Variants in FMNL2 observed in about 807,000 individuals in gnomAD.
FMNL2 encodes the protein formin like 2.
In FMNL2, 51 loss-of-function variants were observed where a neutral mutation model predicts 130.2. The observed-to-expected ratio is 0.39, with a 90% confidence interval of 0.31 to 0.49. The LOEUF is 0.49. Among genes scored for constraint, FMNL2 ranks in the 20% least tolerant of loss-of-function variants. The probability of loss-of-function intolerance (pLI) is 0.85; values close to 1 mark genes in which losing one functional copy is unlikely to be tolerated. For missense variants in FMNL2, 977 were observed against 1,316.2 expected, an observed-to-expected ratio of 0.74 and a Z score of 3.99; for synonymous variants, 465 against 467.1, an observed-to-expected ratio of 1.00 and a Z score of 0.06.
chr2:152,621,255 A>G (rs771336902), intron 15 of FMNL2, among the ~76,000 whole-genome samples: 6 of 152,178 alleles, frequency 3.9e-5, no homozygotes, highest in Non-Finnish European at 8.8e-5. Context: ...TGTGTGATTT[A>G]GCACCCACTT....
intron 1 of FMNL2, among the ~76,000 whole-genome samples, chr2:152,382,341 C>T (rs1229606810): frequency 2.6e-5 from 4 of 152,122 alleles, no homozygotes; most frequent in African/African-American, 4.8e-5. Flanking sequence ...TTAAGGAAAG[C>T]GCATGTGTCT....
intron 1 of FMNL2, among the ~76,000 whole-genome samples, chr2:152,470,508 A>G (rs1019358887): frequency 2.0e-5 from 3 of 152,250 alleles, no homozygotes; most frequent in African/African-American, 4.8e-5. Flanking sequence ...AAGCTCATCT[A>G]TAGAAAGATA....
At chr2:152,356,951 T>TTTA (rs1682834540) in intron 1 of FMNL2, among the ~76,000 whole-genome samples, 3 of 135,576 alleles carry the variant, frequency 2.2e-5, no homozygotes, top group South Asian at 2.3e-4. Context: ...TATTAAGTAA[T>TTTA]ATATATAACG....
rs1354634912 is a variant in FMNL2 at position 152,648,107 on chromosome 2, CAGATT to C, written c.*204_*208del. On this transcript the variant is annotated 3_prime_UTR_variant, in exon 26 of 26. Coordinates refer to ENST00000288670, the MANE Select transcript of FMNL2 (RefSeq NM_052905.4). ...GTGCCTAAAAATGGAAGTACCTGTT[CAGATT>C]AATCAAAGCAATAGGATTTGATTTG... 3 of 532,640 alleles carry C rather than the reference CAGATT, an allele frequency of 5.6e-6. No individual in the cohort carries two copies. Among genetic ancestry groups the C allele is most frequent in the Non-Finnish European group, 9.9e-6 (3 of 303,488 alleles). The allele number at this position is 532,640 out of a possible 1,614,324, so 33.0% of individuals were successfully genotyped here.
chr2:152,445,469 T>C (rs1221813327), intron 1 of FMNL2, among the ~76,000 whole-genome samples: 3 of 152,232 alleles, frequency 2.0e-5, no homozygotes, highest in African/African-American at 7.2e-5. Context: ...GCTGCTGAGT[T>C]AGTGAGTGTT....
At chr2:152,401,828 T>C (rs1685707648) in intron 1 of FMNL2, among the ~76,000 whole-genome samples, 1 of 151,632 alleles carries the variant, frequency 6.6e-6, no homozygotes, top group Non-Finnish European at 1.5e-5. Flanking sequence ...AACTTGAAAA[T>C]TGACCAAAAA....
chr2:152,616,335 T>G (rs1335125233), intron 12 of FMNL2, among the ~76,000 whole-genome samples: 5 of 145,386 alleles, frequency 3.4e-5, no homozygotes, highest in African/African-American at 1.3e-4. Flanking sequence ...GGGTTTTTTT[T>G]TTTTTTTTTT....
chr2:152,478,216 G>A (rs1229050987), intron 1 of FMNL2, among the ~76,000 whole-genome samples: 1 of 142,380 alleles, frequency 7.0e-6, no homozygotes, highest in Non-Finnish European at 1.5e-5. Context: ...CTTAATATAC[G>A]TATACATATA....
At position 152,357,051 on chromosome 2, in the gene FMNL2, G is replaced by A. The variant is rs549444734; in HGVS notation, c.117+21331G>A. Among the ~76,000 whole-genome samples, 23 of 142,838 alleles carry A rather than the reference G, an allele frequency of 1.6e-4. 1 individual carries two copies. In the East Asian group the frequency reaches 4.2e-3, roughly 26 times the overall value. 93.7% of individuals were successfully genotyped at this position (142,838 alleles called of 152,430 possible). A position where few individuals can be genotyped will look rare whatever the true frequency, so the allele number is the denominator to read the frequency against. ...ATATTACATAAGTTTAATATATCAC[G>A]ATAAATATTACATAAGTTTAATATA... is the stretch of plus-strand genomic sequence containing the variant. On this transcript the variant is annotated intron_variant, in intron 1 of 25. Transcript: ENST00000288670.
intron 9 of FMNL2, among the ~76,000 whole-genome samples, chr2:152,599,123 C>A (rs1225765640): frequency 2.6e-5 from 4 of 152,214 alleles, no homozygotes; most frequent in Non-Finnish European, 5.9e-5. Context: ...AGACGCCCAG[C>A]CACATTGGAG....
intron 9 of FMNL2, among the ~76,000 whole-genome samples, chr2:152,603,391 T>C (rs1475436107): frequency 1.4e-5 from 2 of 141,660 alleles, no homozygotes; most frequent in Non-Finnish European, 3.0e-5. Context: ...AAGAAGATAT[T>C]TAAGTCTGTT....
intron 10 of FMNL2, among the ~76,000 whole-genome samples, chr2:152,610,053 G>A (rs1027810359): frequency 1.3e-5 from 2 of 152,174 alleles, no homozygotes; most frequent in African/African-American, 2.4e-5. Context: ...TGGGGAGAAA[G>A]CAGTAAATCC....
Position 152,354,330 on chromosome 2 carries a change from A to AGTG in FMNL2, c.117+18612_117+18614dup, listed in dbSNP as rs1227402921. On this transcript the variant is annotated intron_variant, in intron 1 of 25. Coordinates refer to ENST00000288670, the MANE Select transcript of FMNL2 (RefSeq NM_052905.4). ...ATTTGGAATTATTCTGAATTCCAGT[A>AGTG]GTGGCAAAAAAAAAAATTGTGTAAC... Among the ~76,000 whole-genome samples the AGTG allele has an allele frequency of 7.3e-5, 11 of 150,478 alleles. No homozygotes were observed. The East Asian group carries it at 1.9e-3, about 26-fold the overall frequency.
chr2:152,338,495 C>T (rs1030023527), intron 1 of FMNL2, among the ~76,000 whole-genome samples: 2 of 152,092 alleles, frequency 1.3e-5, no homozygotes, highest in Middle Eastern at 3.2e-3. Flanking sequence ...CCCTCCCTCC[C>T]CATCAGTTTA....
chr2:152,465,564 C>T (rs534849057), intron 1 of FMNL2, among the ~76,000 whole-genome samples: 1 of 152,322 alleles, frequency 6.6e-6, no homozygotes, highest in South Asian at 2.1e-4. Context: ...GCTTTTGCTT[C>T]TGTTTCTTTA....
intron 1 of FMNL2, among the ~76,000 whole-genome samples, chr2:152,336,223 G>T (rs1342351817): frequency 6.6e-6 from 1 of 152,166 alleles, no homozygotes; most frequent in Non-Finnish European, 1.5e-5. Flanking sequence ...GCCGCGCCGG[G>T]CGGTGAGCGG....
chr2:152,487,075 A>G (rs1690870179), intron 1 of FMNL2, among the ~76,000 whole-genome samples: 1 of 152,210 alleles, frequency 6.6e-6, no homozygotes, highest in South Asian at 2.1e-4. Flanking sequence ...TTCTTCATAT[A>G]CCATGTTAGG....
At chr2:152,427,187 A>G (rs946113000) in intron 1 of FMNL2, among the ~76,000 whole-genome samples, 2 of 152,246 alleles carry the variant, frequency 1.3e-5, no homozygotes, top group Non-Finnish European at 2.9e-5. Flanking sequence ...TGAGTCCTAA[A>G]AGATAACTTA....
At chr2:152,340,495 A>G (rs531998206) in intron 1 of FMNL2, among the ~76,000 whole-genome samples, 8 of 152,270 alleles carry the variant, frequency 5.3e-5, no homozygotes, top group African/African-American at 1.4e-4. Flanking sequence ...GTGCTCTTCT[A>G]TTTTCAAGCA....
Sources: allele counts gnomAD v4.1 joint callset (sites outside exome capture counted in the v4.1 genomes callset), GRCh38; gene constraint gnomAD v4.1.1; transcripts MANE v1.5; gene names NCBI Gene and HGNC (gene_info 2026-07-23, HGNC 2026-07-21).